The following CTIF variants were observed in gnomAD, a reference collection of about 807,000 sequenced individuals.
CTIF encodes CBP80/20-dependent translation initiation factor.
A neutral mutation model predicts 66.0 loss-of-function variants in CTIF; 21 were observed. That is an observed-to-expected ratio of 0.32 (90% CI 0.23 to 0.46). CTIF has a LOEUF of 0.46. CTIF is among the 20% of genes least tolerant of loss of function. The pLI, the probability that CTIF is intolerant of heterozygous loss-of-function variation, is 1.00. For missense variants in CTIF, 739 were observed against 812.7 expected (o/e 0.91, Z 1.10); for synonymous variants, 345 against 326.4 (o/e 1.06, Z -0.62).
intron 7 of CTIF, among the ~76,000 whole-genome samples, chr18:48,736,820 C>T (rs2092507784): frequency 6.6e-6 from 1 of 152,180 alleles, no homozygotes; most frequent in Non-Finnish European, 1.5e-5. Context: ...CCTGTCAGGG[C>T]AGGCCAGGCA....
chr18:48,543,659 G>A (rs746626344), intron 1 of CTIF, among the ~76,000 whole-genome samples: 5 of 152,162 alleles, frequency 3.3e-5, no homozygotes, highest in Admixed American at 6.5e-5. Context: ...TGATCTTCAC[G>A]TGAAGACCTG....
chr18:48,726,376 T>G (rs1035668423), intron 7 of CTIF, among the ~76,000 whole-genome samples: 1 of 152,140 alleles, frequency 6.6e-6, no homozygotes, highest in African/African-American at 2.4e-5. Flanking sequence ...TCACCCAGTT[T>G]CCAAGGGTCA....
intron 2 of CTIF, among the ~76,000 whole-genome samples, chr18:48,635,784 T>C (rs2090810296): frequency 6.6e-6 from 1 of 152,192 alleles, no homozygotes; most frequent in Non-Finnish European, 1.5e-5. Flanking sequence ...ATTGTATCTA[T>C]ACAGTGTTTT....
intron 6 of CTIF, among the ~76,000 whole-genome samples, chr18:48,706,021 C>T (rs2092148761): frequency 6.6e-6 from 1 of 152,098 alleles, no homozygotes; most frequent in Non-Finnish European, 1.5e-5. Context: ...GCATGGCGGG[C>T]CCCCTACATT....
At chr18:48,848,598 C>T (rs1489570421) in intron 10 of CTIF, among the ~76,000 whole-genome samples, 3 of 152,214 alleles carry the variant, frequency 2.0e-5, no homozygotes, top group Non-Finnish European at 2.9e-5. Context: ...TGCCAGTGCT[C>T]ATCCCTCCCT....
chr18:48,785,511 G>GGGCATAATACAACCCTGGCCCTCAAT (rs1911627960), intron 9 of CTIF, among the ~76,000 whole-genome samples: 1 of 151,870 alleles, frequency 6.6e-6, no homozygotes. Flanking sequence ...CCTACCTGAA[G>GGGCATAATACAACCCTGGCCCTCAAT]ACAGTTCACA....
At chr18:48,752,659 A>G (rs1016483886) in intron 7 of CTIF, among the ~76,000 whole-genome samples, 3 of 152,166 alleles carry the variant, frequency 2.0e-5, no homozygotes, top group Non-Finnish European at 4.4e-5. Context: ...AGACACAGAG[A>G]GGTGAGATCA....
At chr18:48,776,350 G>A (rs1391264191) in intron 9 of CTIF, among the ~76,000 whole-genome samples, 4 of 146,758 alleles carry the variant, frequency 2.7e-5, no homozygotes, top group Non-Finnish European at 6.0e-5. Flanking sequence ...TGCAGTGCTC[G>A]CTGTGGGGGA....
chr18:48,760,367 T>C (rs527772246), intron 8 of CTIF: 1 of 152,172 alleles, frequency 6.6e-6, no homozygotes, highest in African/African-American at 2.4e-5. Context: ...GATCCCACCA[T>C]GGAAGGGCTC....
At chr18:48,660,589 C>T (rs2144873864) in intron 3 of CTIF, among the ~76,000 whole-genome samples, 1 of 152,332 alleles carries the variant, frequency 6.6e-6, no homozygotes, top group South Asian at 2.1e-4. Context: ...TGGAAATGCC[C>T]AAGTTTGCCC....
intron 2 of CTIF, among the ~76,000 whole-genome samples, chr18:48,625,588 ACAATATTGT>A (rs975470852): frequency 1.1e-4 from 17 of 152,178 alleles, no homozygotes; most frequent in Non-Finnish European, 7.3e-5. Flanking sequence ...TTGAAGAAAT[ACAATATTGT>A]CAAATCATAT....
At chr18:48,687,344 A>ACG in intron 6 of CTIF, among the ~76,000 whole-genome samples, 1 of 150,982 alleles carries the variant, frequency 6.6e-6, no homozygotes, top group Non-Finnish European at 1.5e-5. Flanking sequence ...ACACACACAC[A>ACG]CACACACCAA....
At chr18:48,853,140 T>C (rs1233037101) in intron 10 of CTIF, among the ~76,000 whole-genome samples, 1 of 152,166 alleles carries the variant, frequency 6.6e-6, no homozygotes, top group East Asian at 1.9e-4. Flanking sequence ...TATTTTCCAG[T>C]GTGTGCCAGA....
At chr18:48,610,037 C>T (rs1021258494) in intron 1 of CTIF, among the ~76,000 whole-genome samples, 5 of 150,716 alleles carry the variant, frequency 3.3e-5, no homozygotes, top group Non-Finnish European at 7.4e-5. Context: ...GAGGGAAGGA[C>T]GGTGCTGGAG....
Position 48,861,120 on chromosome 18 carries a change from G to A in CTIF, c.*1561G>A, listed in dbSNP as rs1467188876. 6.6e-6 allele frequency: 1 copy of A among 152,402 alleles called. No individual in the cohort carries two copies. Among genetic ancestry groups the A allele is most frequent in the Non-Finnish European group, 1.5e-5 (1 of 68,192 alleles). The allele number at this position is 152,402 out of a possible 1,614,324, so 9.4% of individuals were successfully genotyped here. A position where few individuals can be genotyped will look rare whatever the true frequency, so the allele number is the denominator to read the frequency against. ...GGTGATGGGCGGGGAAGGTTCTCGTGATTGATTGATTCTGAGTCTGAGAGT... is the reference window on the plus strand; with the variant it reads ...GGTGATGGGCGGGGAAGGTTCTCGTAATTGATTGATTCTGAGTCTGAGAGT... On this transcript the variant is annotated 3_prime_UTR_variant, in exon 12 of 12. Transcript: ENST00000256413.
chr18:48,820,883 G>A (rs1200324347), intron 10 of CTIF, among the ~76,000 whole-genome samples: 1 of 152,222 alleles, frequency 6.6e-6, no homozygotes, highest in Non-Finnish European at 1.5e-5. Flanking sequence ...GGGGGTCCTT[G>A]TGCTCACAGA....
chr18:48,741,885 G>A (rs2092558225), intron 7 of CTIF, among the ~76,000 whole-genome samples: 1 of 152,196 alleles, frequency 6.6e-6, no homozygotes, highest in Admixed American at 6.5e-5. Context: ...CCGGGGAACA[G>A]AGAGCCAGCG....
intron 1 of CTIF, among the ~76,000 whole-genome samples, chr18:48,556,646 C>T (rs991662054): frequency 6.6e-6 from 1 of 152,146 alleles, no homozygotes; most frequent in Non-Finnish European, 1.5e-5. Context: ...CTCACTGCAA[C>T]CTCTTCGTCC....
chr18:48,741,597 G>A (rs1471593071), intron 7 of CTIF, among the ~76,000 whole-genome samples: 1 of 151,742 alleles, frequency 6.6e-6, no homozygotes, highest in Non-Finnish European at 1.5e-5. Flanking sequence ...TAATTTTTTT[G>A]TATTTTTAGT....
Sources: gnomAD v4.1 joint callset for allele counts (sites outside exome capture counted in the v4.1 genomes callset) on GRCh38, gnomAD v4.1.1 for gene constraint, MANE v1.5 for transcripts, NCBI Gene and HGNC (gene_info 2026-07-23, HGNC 2026-07-21) for gene names.